Variants in GPC6 observed in about 807,000 individuals in gnomAD.
The protein encoded by GPC6 is glypican-6.
A neutral mutation model predicts 55.2 loss-of-function variants in GPC6; 14 were observed. The observed-to-expected ratio is 0.25, with a 90% CI of 0.17 to 0.40. The LOEUF is 0.40. Among genes scored for constraint, GPC6 ranks in the 10% least tolerant of loss-of-function variants. The pLI, the probability that GPC6 is intolerant of heterozygous loss-of-function variation, is 1.00. For missense variants in GPC6, 641 were observed against 708.5 expected (o/e 0.90, Z 1.08); for synonymous variants, 278 against 259.6 (o/e 1.07, Z -0.68).
chr13:94,075,015 A>T (rs567962986), intron 4 of GPC6, among the ~76,000 whole-genome samples: 1 of 151,758 alleles, frequency 6.6e-6, no homozygotes, highest in South Asian at 2.1e-4. Flanking sequence ...TAGACCTTAA[A>T]TTTTTTTTTA....
chr13:93,569,726 CT>C (rs1385328177), intron 2 of GPC6, among the ~76,000 whole-genome samples: 1 of 151,180 alleles, frequency 6.6e-6, no homozygotes, highest in Non-Finnish European at 1.5e-5. Context: ...AGAAAAATCT[CT>C]TTTATTTGTT....
chr13:93,877,584 G>A (rs746364961), intron 3 of GPC6, among the ~76,000 whole-genome samples: 7 of 152,030 alleles, frequency 4.6e-5, no homozygotes, highest in Non-Finnish European at 5.9e-5. Flanking sequence ...GTTAGTGTAT[G>A]ATAGACTTGT....
chr13:93,389,257 G>A (rs1594136300), intron 1 of GPC6, among the ~76,000 whole-genome samples: 1 of 151,992 alleles, frequency 6.6e-6, no homozygotes, highest in Non-Finnish European at 1.5e-5. Flanking sequence ...CAGCACTTTG[G>A]GAAGGCGAGA....
intron 1 of GPC6, among the ~76,000 whole-genome samples, chr13:93,444,329 C>G (rs1343829965): frequency 6.6e-6 from 1 of 151,728 alleles, no homozygotes; most frequent in Non-Finnish European, 1.5e-5. Flanking sequence ...ATCACGCTAC[C>G]CTGGCGCCGT....
intron 1 of GPC6, among the ~76,000 whole-genome samples, chr13:93,485,925 A>G (rs889967504): frequency 6.6e-6 from 1 of 152,204 alleles, no homozygotes; most frequent in African/African-American, 2.4e-5. Context: ...CAAGATCATT[A>G]TCTGTTATCT....
chr13:93,350,059 C>T (rs1011307834), intron 1 of GPC6, among the ~76,000 whole-genome samples: 1 of 152,266 alleles, frequency 6.6e-6, no homozygotes, highest in African/African-American at 2.4e-5. Context: ...TATTTGTCCA[C>T]TTAATAGATG....
At chr13:94,080,708 G>A (rs545350888) in intron 4 of GPC6, among the ~76,000 whole-genome samples, 2 of 152,210 alleles carry the variant, frequency 1.3e-5, no homozygotes, top group African/African-American at 4.8e-5. Context: ...ACCCTGCTGT[G>A]TCCTCACATG....
At chr13:93,891,930 A>G (rs562366820) in intron 3 of GPC6, among the ~76,000 whole-genome samples, 1 of 151,934 alleles carries the variant, frequency 6.6e-6, no homozygotes, top group East Asian at 1.9e-4. Context: ...GAGTGTGAGT[A>G]TATAGTGTAT....
chr13:93,491,855 G>C (rs1466567863), intron 1 of GPC6, among the ~76,000 whole-genome samples: 2 of 106,166 alleles, frequency 1.9e-5, no homozygotes, highest in African/African-American at 6.9e-5. Context: ...ATTTCTGAGG[G>C]CTCTGTTCTG....
At chr13:94,059,517 T>C (rs1270966671) in intron 4 of GPC6, among the ~76,000 whole-genome samples, 1 of 152,046 alleles carries the variant, frequency 6.6e-6, no homozygotes, top group Non-Finnish European at 1.5e-5. Flanking sequence ...TTGGAATGGG[T>C]TTAAAACCCA....
intron 1 of GPC6, among the ~76,000 whole-genome samples, chr13:93,250,542 A>C (rs1324252264): frequency 2.0e-5 from 3 of 152,116 alleles, no homozygotes; most frequent in Admixed American, 6.5e-5. Flanking sequence ...AGCCTTGATC[A>C]CTTGGCATGG....
chr13:94,310,757 T>A (rs780495145), intron 6 of GPC6, among the ~76,000 whole-genome samples: 1 of 152,136 alleles, frequency 6.6e-6, no homozygotes, highest in Non-Finnish European at 1.5e-5. Context: ...CATTTTCATA[T>A]TCTTTTCCAA....
chr13:94,246,206 G>A lies in GPC6; in HGVS notation c.878-40143G>A, dbSNP rs936753060. On this transcript the variant is annotated intron_variant, in intron 4 of 8. Transcript: ENST00000377047. ...AGTCCTTTGCATATTTTTCCATGGA[G>A]TTTATATTTTCTTGTTACTGAATTG... Among the ~76,000 whole-genome samples the A allele has an allele frequency of 1.3e-5, 2 of 152,026 alleles. 1 individual carries two copies. Among genetic ancestry groups the A allele is most frequent in the South Asian group, 4.1e-4 (2 of 4,828 alleles).
intron 2 of GPC6, among the ~76,000 whole-genome samples, chr13:93,698,765 C>A (rs1882565026): frequency 6.6e-6 from 1 of 151,950 alleles, no homozygotes; most frequent in Non-Finnish European, 1.5e-5. Flanking sequence ...ATGTATTTGG[C>A]TTTCACAATC....
At chr13:94,022,030 G>A (rs527474660) in intron 3 of GPC6, among the ~76,000 whole-genome samples, 2 of 151,968 alleles carry the variant, frequency 1.3e-5, no homozygotes, top group Non-Finnish European at 2.9e-5. Flanking sequence ...ATAGCAAAAT[G>A]GTTACTGTAG....
intron 3 of GPC6, among the ~76,000 whole-genome samples, chr13:93,993,881 G>T (rs1594650177): frequency 1.3e-5 from 2 of 152,202 alleles, no homozygotes; most frequent in Middle Eastern, 3.4e-3. Flanking sequence ...GTACAAAAAA[G>T]TACAGGAAAA....
intron 6 of GPC6, among the ~76,000 whole-genome samples, chr13:94,352,594 C>A (rs1010619451): frequency 6.6e-6 from 1 of 152,202 alleles, no homozygotes; most frequent in African/African-American, 2.4e-5. Flanking sequence ...GTCCAGAGCT[C>A]TTTCCCTCCC....
At chr13:93,852,326 G>A (rs1277575664) in intron 3 of GPC6, among the ~76,000 whole-genome samples, 1 of 151,644 alleles carries the variant, frequency 6.6e-6, no homozygotes, top group Non-Finnish European at 1.5e-5. Flanking sequence ...AGATACACAT[G>A]GGGCTGAATC....
intron 4 of GPC6, among the ~76,000 whole-genome samples, chr13:94,037,506 T>A (rs1300450968): frequency 6.6e-6 from 1 of 151,972 alleles, no homozygotes; most frequent in Non-Finnish European, 1.5e-5. Flanking sequence ...AATAAAAAAA[T>A]ACCTAATAGT....
Sources: allele counts gnomAD v4.1 joint callset (sites outside exome capture counted in the v4.1 genomes callset), GRCh38; gene constraint gnomAD v4.1.1; transcripts MANE v1.5; gene names NCBI Gene and HGNC (gene_info 2026-07-23, HGNC 2026-07-21).